The following SERINC5 variants were observed in gnomAD, a reference collection of about 807,000 sequenced individuals.
The protein encoded by SERINC5 is serine incorporator 5.
A neutral mutation model predicts 63.1 loss-of-function variants in SERINC5; 41 were observed. The observed-to-expected ratio is 0.65, with a 90% CI of 0.51 to 0.84. The LOEUF is 0.84. SERINC5 is among the 40% of genes least tolerant of loss of function. The pLI is 0.00. For synonymous variants in SERINC5, 222 were observed against 215.2 expected, an observed-to-expected ratio of 1.03 and a Z score of -0.28; for missense variants, 523 against 573.0, an observed-to-expected ratio of 0.91 and a Z score of 0.89.
At chr5:80,126,878 G>A (rs1171282828) in intron 11 of SERINC5, among the ~76,000 whole-genome samples, 2 of 152,046 alleles carry the variant, frequency 1.3e-5, no homozygotes, top group African/African-American at 2.4e-5. Context: ...ACAGGCATGC[G>A]ATACCAAGCC....
chr5:80,206,578 G>T (rs1561426239), intron 1 of SERINC5, among the ~76,000 whole-genome samples: 1 of 152,174 alleles, frequency 6.6e-6, no homozygotes, highest in Non-Finnish European at 1.5e-5. Flanking sequence ...TGAGATAAGA[G>T]AATACACAAG....
chr5:80,178,883 TAC>T (rs1748232260), intron 2 of SERINC5, among the ~76,000 whole-genome samples: 1 of 152,100 alleles, frequency 6.6e-6, no homozygotes, highest in Non-Finnish European at 1.5e-5. Context: ...CACTCACATA[TAC>T]ATATACATAC....
At chr5:80,113,610 G>T in exon 12 of SERINC5, 1 of 290,156 alleles carries the variant, frequency 3.4e-6, no homozygotes, top group Non-Finnish European at 7.0e-6. Flanking sequence ...ATCATGGCAG[G>T]AGGTGAAAGG....
chr5:80,116,152 C>T (rs1026139817), intron 11 of SERINC5: 17 of 376,518 alleles, frequency 4.5e-5, no homozygotes, highest in Non-Finnish European at 7.8e-5. Context: ...CCGTAGGCCT[C>T]TCTGGCACTC....
At chr5:80,138,193 G>C (rs953048677), downstream of SERINC5, among the ~76,000 whole-genome samples, 10 of 151,970 alleles carry the variant, frequency 6.6e-5, no homozygotes, top group Admixed American at 5.9e-4. Context: ...GGCGAGGGGG[G>C]AGTTCAGGGT....
At chr5:80,209,580 CAT>C (rs1750336435) in intron 1 of SERINC5, among the ~76,000 whole-genome samples, 1 of 152,192 alleles carries the variant, frequency 6.6e-6, no homozygotes, top group South Asian at 2.1e-4. Flanking sequence ...TGTACATACA[CAT>C]ATGTGTAGAT....
At chr5:80,156,003 T>C (rs941944950) in intron 8 of SERINC5, among the ~76,000 whole-genome samples, 1 of 152,030 alleles carries the variant, frequency 6.6e-6, no homozygotes, top group African/African-American at 2.4e-5. Flanking sequence ...AGGATGGAGA[T>C]ACCCCAAAGG....
chr5:80,134,868 T>C (rs1745097122), downstream of SERINC5, among the ~76,000 whole-genome samples: 1 of 152,316 alleles, frequency 6.6e-6, no homozygotes, highest in African/African-American at 2.4e-5. Flanking sequence ...CTTAAAAAGA[T>C]TGGTGGAGAT....
In SERINC5 at chr5:80,142,672, T is replaced by C. The variant is rs778881261; in HGVS notation, c.*991A>G. 1 of 985,462 alleles carries C rather than the reference T, an allele frequency of 1.0e-6. No homozygotes were observed. The highest frequency in any genetic ancestry group is 1.2e-6 in the Non-Finnish European group (1 of 829,954). 61.0% of individuals were successfully genotyped at this position (985,462 alleles called of 1,614,324 possible). ...CAGAACACAAAACGACTTCCGCTTT[T>C]ACAGTTTCAAAGGCCTCAAGGTGGA... On this transcript the variant is annotated 3_prime_UTR_variant, in exon 12 of 12. Transcript: ENST00000507668.
At chr5:80,137,139 C>CAAAAAAAAAAAAAAAAAAAAAAAAA (rs869035894), downstream of SERINC5, among the ~76,000 whole-genome samples, 1 of 67,742 alleles carries the variant, frequency 1.5e-5, no homozygotes, top group Non-Finnish European at 2.9e-5. Context: ...GACCCTGTCT[C>CAAAAAAAAAAAAAAAAAAAAAAAAA]AAAAAAAAAA....
intron 4 of SERINC5, among the ~76,000 whole-genome samples, chr5:80,175,918 C>A (rs1341514789): frequency 6.7e-6 from 1 of 149,140 alleles, no homozygotes; most frequent in African/African-American, 2.5e-5. Flanking sequence ...GTGGCTCACA[C>A]CTGTAAATCC....
downstream of SERINC5, among the ~76,000 whole-genome samples, chr5:80,135,821 T>C (rs554594293): frequency 1.4e-5 from 2 of 146,554 alleles, no homozygotes; most frequent in African/African-American, 5.1e-5. Context: ...GATAGCACAA[T>C]CAAAAATCAA....
At chr5:80,147,819 G>A (rs538785362) in intron 9 of SERINC5, among the ~76,000 whole-genome samples, 30 of 152,104 alleles carry the variant, frequency 2.0e-4, no homozygotes, top group Admixed American at 3.3e-4. Context: ...CTCCCTTCTC[G>A]TGCTTTGCTT....
intron 2 of SERINC5, among the ~76,000 whole-genome samples, chr5:80,195,251 A>G (rs917019391): frequency 6.6e-6 from 1 of 150,428 alleles, no homozygotes; most frequent in African/African-American, 2.5e-5. Flanking sequence ...ATGCCATTGC[A>G]CTCCAGCCTG....
chr5:80,178,824 T>G (rs1448470520), intron 2 of SERINC5, among the ~76,000 whole-genome samples: 1 of 151,998 alleles, frequency 6.6e-6, no homozygotes, highest in African/African-American at 2.4e-5. Context: ...GGGTAGAGTA[T>G]TTGTATTAAT....
intron 11 of SERINC5, among the ~76,000 whole-genome samples, chr5:80,131,798 G>A (rs1383812077): frequency 6.6e-6 from 1 of 152,210 alleles, no homozygotes; most frequent in Non-Finnish European, 1.5e-5. Flanking sequence ...ACTGTCCTAA[G>A]AAGAGATGGG....
intron 11 of SERINC5, among the ~76,000 whole-genome samples, chr5:80,132,873 CAT>C (rs898276113): frequency 5.9e-5 from 9 of 152,290 alleles, no homozygotes; most frequent in African/African-American, 1.4e-4. Context: ...CCAATTGCTA[CAT>C]GTTTGGGACC....
downstream of SERINC5, among the ~76,000 whole-genome samples, chr5:80,138,475 AATCCCAG>A (rs1745306081): frequency 6.6e-6 from 1 of 151,994 alleles, no homozygotes; most frequent in Non-Finnish European, 1.5e-5. Flanking sequence ...ACATGCCTGT[AATCCCAG>A]CTACTCGGGA....
chr5:80,156,866 C>G (rs895282240), intron 8 of SERINC5: 1 of 152,000 alleles, frequency 6.6e-6, no homozygotes, highest in Non-Finnish European at 1.5e-5. Flanking sequence ...GGTGAAAATT[C>G]CATGTTGTGA....
Sources: allele counts gnomAD v4.1 joint callset (sites outside exome capture counted in the v4.1 genomes callset), GRCh38; gene constraint gnomAD v4.1.1; transcripts MANE v1.5; gene names NCBI Gene and HGNC (gene_info 2026-07-23, HGNC 2026-07-21).